Variants in RIT2 observed in about 807,000 individuals in gnomAD.
The protein encoded by RIT2 is GTP-binding protein Rit2.
RIT2 carries 24 observed loss-of-function variants against 23.7 expected under a neutral mutation model. That is an observed-to-expected ratio of 1.01 (90% confidence interval 0.73 to 1.43). RIT2 has a LOEUF of 1.43. Ranked by LOEUF, RIT2 falls within the 40% of genes most tolerant of loss-of-function variation. The probability of loss-of-function intolerance (pLI) is 0.00; values close to 1 mark genes in which losing one functional copy is unlikely to be tolerated. For missense variants in RIT2, 236 were observed against 266.9 expected (o/e 0.88, Z 0.81); for synonymous variants, 107 against 91.1 (o/e 1.17, Z -0.99).
chr18:42,904,952 A>T (rs1031147319), intron 4 of RIT2, among the ~76,000 whole-genome samples: 1 of 152,196 alleles, frequency 6.6e-6, no homozygotes, highest in African/African-American at 2.4e-5. Flanking sequence ...AATAACTAGG[A>T]CATAGAAAGA....
At chr18:42,890,584 AAGG>A (rs1312095363) in intron 4 of RIT2, among the ~76,000 whole-genome samples, 1 of 151,714 alleles carries the variant, frequency 6.6e-6, no homozygotes, top group Non-Finnish European at 1.5e-5. Flanking sequence ...AGAGAGAGAG[AAGG>A]AGAAGCAGGG....
chr18:42,901,221 G>T (rs1460023781), intron 4 of RIT2, among the ~76,000 whole-genome samples: 1 of 152,024 alleles, frequency 6.6e-6, no homozygotes, highest in Non-Finnish European at 1.5e-5. Context: ...TTATGTGTAA[G>T]AAAATGGGAA....
chr18:42,807,038 T>C (rs2143969799), intron 4 of RIT2, among the ~76,000 whole-genome samples: 1 of 152,334 alleles, frequency 6.6e-6, no homozygotes, highest in East Asian at 1.9e-4. Context: ...ATATATTGTA[T>C]TAATTGTAAC....
intron 2 of RIT2, among the ~76,000 whole-genome samples, chr18:43,013,772 G>C (rs1911407805): frequency 6.6e-6 from 1 of 151,610 alleles, no homozygotes; most frequent in South Asian, 2.1e-4. Context: ...AGATAAATAA[G>C]CATCTTGATG....
chr18:43,108,759 C>T (rs545104327), intron 1 of RIT2, among the ~76,000 whole-genome samples: 1 of 152,278 alleles, frequency 6.6e-6, no homozygotes, highest in South Asian at 2.1e-4. Flanking sequence ...CTTATTTAGA[C>T]CTCTTGGCTA....
At chr18:42,937,558 T>A (rs1004425220) in intron 3 of RIT2, among the ~76,000 whole-genome samples, 2 of 152,034 alleles carry the variant, frequency 1.3e-5, no homozygotes, top group African/African-American at 2.4e-5. Flanking sequence ...TTATTTAAAT[T>A]AAGAAAGAAA....
intron 4 of RIT2, among the ~76,000 whole-genome samples, chr18:42,907,899 T>A (rs2144115233): frequency 6.6e-6 from 1 of 151,964 alleles, no homozygotes; most frequent in East Asian, 1.9e-4. Context: ...GAGGGTTGCT[T>A]GAGCCCAAGA....
At chr18:42,766,672 A>G (rs1370695949) in intron 4 of RIT2, among the ~76,000 whole-genome samples, 1 of 152,212 alleles carries the variant, frequency 6.6e-6, no homozygotes, top group Non-Finnish European at 1.5e-5. Flanking sequence ...CCCCAAAACC[A>G]TGGGGGAAAA....
intron 1 of RIT2, among the ~76,000 whole-genome samples, chr18:43,082,948 T>C (rs1296136545): frequency 6.6e-6 from 1 of 152,180 alleles, no homozygotes; most frequent in Non-Finnish European, 1.5e-5. Flanking sequence ...TTGTCTCTGT[T>C]TGCAGATGAC....
chr18:42,769,533 C>T (rs1441148644), intron 4 of RIT2, among the ~76,000 whole-genome samples: 1 of 151,866 alleles, frequency 6.6e-6, no homozygotes, highest in Non-Finnish European at 1.5e-5. Flanking sequence ...ATATTTTGTA[C>T]CAAATTTCAA....
chr18:42,795,332 G>A (rs556351307), intron 4 of RIT2, among the ~76,000 whole-genome samples: 2 of 152,162 alleles, frequency 1.3e-5, no homozygotes, highest in African/African-American at 2.4e-5. Flanking sequence ...TGGAACAGAC[G>A]GCCGACCCTG....
chr18:42,786,542 A>G (rs1380453675), intron 4 of RIT2, among the ~76,000 whole-genome samples: 4 of 152,200 alleles, frequency 2.6e-5, no homozygotes, highest in African/African-American at 9.6e-5. Flanking sequence ...ATACTTACTT[A>G]AATGGCTTTG....
intron 2 of RIT2, among the ~76,000 whole-genome samples, chr18:42,998,910 T>C (rs1157002194): frequency 6.6e-6 from 1 of 152,084 alleles, no homozygotes; most frequent in East Asian, 1.9e-4. Flanking sequence ...ACTGTAAGTG[T>C]CAGATGATTG....
chr18:42,758,764 A>T (rs887159880), intron 4 of RIT2, among the ~76,000 whole-genome samples: 5 of 150,932 alleles, frequency 3.3e-5, no homozygotes, highest in African/African-American at 1.2e-4. Context: ...ACCACAAGTG[A>T]TCTGCCTGCC....
chr18:42,955,787 C>A (rs1001193663), intron 3 of RIT2, among the ~76,000 whole-genome samples: 3 of 152,192 alleles, frequency 2.0e-5, no homozygotes, highest in Non-Finnish European at 4.4e-5. Context: ...ATTATCACCA[C>A]TAAGTCCAAA....
intron 4 of RIT2, among the ~76,000 whole-genome samples, chr18:42,803,683 A>G (rs1905601185): frequency 6.6e-6 from 1 of 152,192 alleles, no homozygotes; most frequent in Non-Finnish European, 1.5e-5. Flanking sequence ...TTTATGGGGC[A>G]ATTAATACAT....
At chr18:43,038,896 A>G (rs1355494083) in intron 1 of RIT2, among the ~76,000 whole-genome samples, 1 of 151,086 alleles carries the variant, frequency 6.6e-6, no homozygotes, top group East Asian at 1.9e-4. Context: ...AGTAAACTGC[A>G]GGATTTTTTT....
At chr18:43,073,342 G>T (rs1912940827) in intron 1 of RIT2, among the ~76,000 whole-genome samples, 1 of 152,120 alleles carries the variant, frequency 6.6e-6, no homozygotes, top group South Asian at 2.1e-4. Context: ...GACTTTCATT[G>T]CTTGGTTATG....
chr18:42,783,714 A>G (rs1210457811), intron 4 of RIT2, among the ~76,000 whole-genome samples: 1 of 152,080 alleles, frequency 6.6e-6, no homozygotes, highest in African/African-American at 2.4e-5. Context: ...AACATTTAAT[A>G]GCTCATTTTC....
Sources: allele counts gnomAD v4.1 joint callset (sites outside exome capture counted in the v4.1 genomes callset), GRCh38; gene constraint gnomAD v4.1.1; transcripts MANE v1.5; gene names NCBI Gene and HGNC (gene_info 2026-07-23, HGNC 2026-07-21).